GFRA1: variants seen among roughly 807,000 people sequenced by gnomAD.
The protein encoded by GFRA1 is GDNF family receptor alpha 1.
GFRA1 carries 16 observed loss-of-function variants against 51.6 expected under a neutral mutation model. The ratio of observed to expected loss-of-function variants is 0.31; its 90% CI spans 0.21 to 0.47. GFRA1 has a LOEUF of 0.47. Ranked by LOEUF, GFRA1 falls within the 20% of genes least tolerant of loss-of-function variation. The pLI, the probability that GFRA1 is intolerant of heterozygous loss-of-function variation, is 1.00. For missense variants in GFRA1, 530 were observed against 594.3 expected (o/e 0.89, Z 1.13); for synonymous variants, 270 against 241.3 (o/e 1.12, Z -1.10).
At chr10:116,140,049 A>G (rs915959741) in intron 5 of GFRA1, among the ~76,000 whole-genome samples, 1 of 152,198 alleles carries the variant, frequency 6.6e-6, no homozygotes, top group Non-Finnish European at 1.5e-5. Context: ...GTGCCAGGAA[A>G]GATTGGGCAA....
At chr10:116,196,706 TTA>T (rs1232584706) in intron 5 of GFRA1, among the ~76,000 whole-genome samples, 1 of 49,500 alleles carries the variant, frequency 2.0e-5, no homozygotes, top group African/African-American at 1.1e-4. Flanking sequence ...ATAATATATA[TTA>T]TATATAGTAC....
At chr10:116,156,997 C>A (rs916513042) in intron 5 of GFRA1, among the ~76,000 whole-genome samples, 2 of 152,228 alleles carry the variant, frequency 1.3e-5, no homozygotes, top group African/African-American at 4.8e-5. Context: ...CAGAGTCTAG[C>A]AACAGAGCTG....
chr10:116,137,854 T>A (rs534226884), intron 5 of GFRA1, among the ~76,000 whole-genome samples: 1 of 152,228 alleles, frequency 6.6e-6, no homozygotes, highest in East Asian at 1.9e-4. Context: ...CAGGCTAGAG[T>A]GCAATGGTAC....
intron 5 of GFRA1, among the ~76,000 whole-genome samples, chr10:116,196,539 T>TA (rs1963775168): frequency 7.6e-6 from 1 of 131,408 alleles, no homozygotes; most frequent in African/African-American, 2.9e-5. Context: ...ATTTATAAAT[T>TA]TATATATATT....
intron 4 of GFRA1, among the ~76,000 whole-genome samples, chr10:116,228,783 C>A (rs956783506): frequency 3.3e-5 from 5 of 151,712 alleles, no homozygotes; most frequent in Non-Finnish European, 7.4e-5. Context: ...GAGTTCAAGA[C>A]CAGCCTGGCC....
intron 5 of GFRA1, among the ~76,000 whole-genome samples, chr10:116,186,409 G>A (rs1962721785): frequency 6.6e-6 from 1 of 152,128 alleles, no homozygotes; most frequent in Non-Finnish European, 1.5e-5. Context: ...CGACTGATGT[G>A]CCACTGAGCA....
At chr10:116,260,748 G>C (rs1288524347) in intron 4 of GFRA1, among the ~76,000 whole-genome samples, 2 of 152,172 alleles carry the variant, frequency 1.3e-5, no homozygotes, top group East Asian at 3.8e-4. Context: ...ACATTAATTA[G>C]AATGGAAAGA....
At chr10:116,072,489 C>T (rs1182559358) in intron 9 of GFRA1, among the ~76,000 whole-genome samples, 16 of 152,120 alleles carry the variant, frequency 1.1e-4, no homozygotes, top group Admixed American at 5.2e-4. Flanking sequence ...TGGCCAAGCA[C>T]GGTGGCTCAC....
intron 4 of GFRA1, among the ~76,000 whole-genome samples, chr10:116,268,154 C>A (rs1969822270): frequency 6.6e-6 from 1 of 152,124 alleles, no homozygotes; most frequent in Non-Finnish European, 1.5e-5. Context: ...GTATAAGAAC[C>A]ACACTCTGAG....
chr10:116,211,118 T>C (rs181776661), intron 5 of GFRA1, among the ~76,000 whole-genome samples: 1 of 152,308 alleles, frequency 6.6e-6, no homozygotes, highest in Admixed American at 6.5e-5. Flanking sequence ...TGGGTGACAC[T>C]ATCTCAGTCA....
chr10:116,093,921 C>T (rs1420086773), intron 7 of GFRA1, 85 bp from the exon 8 acceptor site: 14 of 1,283,252 alleles, frequency 1.1e-5, no homozygotes, highest in Non-Finnish European at 1.2e-5. Context: ...CCTCTGACGG[C>T]GGATGCACCG....
intron 5 of GFRA1, among the ~76,000 whole-genome samples, chr10:116,129,278 C>G (rs969343937): frequency 1.3e-5 from 2 of 152,168 alleles, no homozygotes; most frequent in East Asian, 3.8e-4. Flanking sequence ...CAACAATATT[C>G]CCCAAACTTT....
At chr10:116,183,206 C>T (rs990523896) in intron 5 of GFRA1, among the ~76,000 whole-genome samples, 46 of 152,174 alleles carry the variant, frequency 3.0e-4, no homozygotes, top group Non-Finnish European at 6.2e-4. Context: ...TTGTTTTACC[C>T]GCTGGGCCTG....
chr10:116,183,395 A>G (rs1477019963), intron 5 of GFRA1, among the ~76,000 whole-genome samples: 5 of 152,204 alleles, frequency 3.3e-5, no homozygotes, highest in African/African-American at 9.6e-5. Context: ...CAGCCCCATG[A>G]GCTTCCCTCT....
rs987888951 is a variant in GFRA1, at chr10:116,060,142, C to G, written c.*4256G>C. On this transcript the variant is annotated 3_prime_UTR_variant, in exon 11 of 11. Coordinates refer to ENST00000355422, the MANE Select transcript of GFRA1 (RefSeq NM_005264.8). ...AAGCCTCTGCAGTGAGAATCTTTTTCAGAGGTCCAGCCCCCACAAAGAATT... is the reference window on the plus strand; with the variant it reads ...AAGCCTCTGCAGTGAGAATCTTTTTGAGAGGTCCAGCCCCCACAAAGAATT... The G allele has an allele frequency of 6.6e-6, 1 of 152,138 alleles. No homozygotes were observed. Among genetic ancestry groups the G allele is most frequent in the Admixed American group, 6.5e-5 (1 of 15,276 alleles). 9.4% of individuals were successfully genotyped at this position (152,138 alleles called of 1,614,324 possible). A position where few individuals can be genotyped will look rare whatever the true frequency, so the allele number is the denominator to read the frequency against.
intron 4 of GFRA1, among the ~76,000 whole-genome samples, chr10:116,257,656 C>T (rs1333446445): frequency 1.3e-5 from 2 of 152,196 alleles, no homozygotes; most frequent in Non-Finnish European, 2.9e-5. Context: ...CCTGTGTGTG[C>T]TTTTATGACA....
At position 116,271,099 on chromosome 10, in the gene GFRA1, G is replaced by C. The variant is rs1461728892; in HGVS notation, c.57C>G (p.Ala19=). 2.5e-6 allele frequency: 4 copies of C among 1,606,450 alleles called. No homozygotes were observed. In the East Asian group the frequency reaches 6.7e-5, roughly 27 times the overall value. The change falls in exon 3 of 11, where the codon GCC becomes GCG. Residue 19 remains alanine (A), a synonymous_variant. Transcript: ENST00000355422. ...ALPLLDLLLS[A]EVSGGDRLDC... ...CCAGGCGGTCTCCGCCGCTCACTTC[G>C]GCCGACAGGAGCAAGTCTGCGGGGC... is the stretch of plus-strand genomic sequence containing the variant.
upstream of GFRA1, among the ~76,000 whole-genome samples, chr10:116,274,092 A>C (rs1463106260): frequency 6.6e-6 from 1 of 152,152 alleles, no homozygotes; most frequent in South Asian, 2.1e-4. Context: ...ACAACAACAA[A>C]AAAAGCCTAA....
At chr10:116,215,162 G>C (rs1427256456) in intron 4 of GFRA1, among the ~76,000 whole-genome samples, 1 of 151,912 alleles carries the variant, frequency 6.6e-6, no homozygotes, top group Non-Finnish European at 1.5e-5. Context: ...TAATGGTTTG[G>C]GTACCTTCTT....
Sources: gnomAD v4.1 joint callset for allele counts (sites outside exome capture counted in the v4.1 genomes callset) on GRCh38, gnomAD v4.1.1 for gene constraint, MANE v1.5 for transcripts, NCBI Gene and HGNC (gene_info 2026-07-23, HGNC 2026-07-21) for gene names.